Variants in STAB1 observed in about 807,000 individuals in gnomAD.
STAB1 encodes the protein stabilin-1.
Under a neutral mutation model 332.4 loss-of-function variants are expected in STAB1, and 250 were observed. The observed-to-expected ratio is 0.75, with a 90% CI of 0.68 to 0.84. The LOEUF (loss-of-function observed/expected upper bound fraction) is 0.84. Ranked by LOEUF, STAB1 falls within the 40% of genes least tolerant of loss-of-function variation. The probability of loss-of-function intolerance (pLI) is 0.00; values close to 1 mark genes in which losing one functional copy is unlikely to be tolerated. For synonymous variants in STAB1, 1,475 were observed against 1,390.4 expected (o/e 1.06, Z -1.35); for missense variants, 3,249 against 3,489.7 (o/e 0.93, Z 1.74).
rs201122593 is a variant in STAB1 at position 52,502,649 on chromosome 3, G to A, written c.505G>A (p.Gly169Arg). The change falls in exon 6 of 69, where the codon GGA becomes AGA. Residue 169 changes from glycine (G) to arginine (R), a missense_variant. By Grantham distance (125) the Gly-to-Arg change is moderately radical. Transcript: ENST00000321725. Reference protein sequence around the residue: ...DCQSVCSCVHGVCNHGPRGDG... With the variant: ...DCQSVCSCVHRVCNHGPRGDG... The stretch of plus-strand genomic sequence containing the variant: ...CCTCCCAGTGTGCAGCTGTGTGCAC[G>A]GAGTGTGCAACCATGGGCCACGTGG... 93 of 1,613,162 alleles carry A rather than the reference G, an allele frequency of 5.8e-5. No individual in the cohort carries two copies. Among genetic ancestry groups the A allele is most frequent in the Non-Finnish European group, 7.1e-5 (84 of 1,179,520 alleles).
At chr3:52,505,244 A>G (rs1286966306) in intron 13 of STAB1, 75 bp from the exon 14 acceptor site, 2 of 1,607,330 alleles carry the variant, frequency 1.2e-6, no homozygotes, top group Non-Finnish European at 1.7e-6. Flanking sequence ...TCAGGGCTGG[A>G]GCGCAGCTTC....
Position 52,510,139 on chromosome 3 carries a change from C to T in STAB1, c.2535-3C>T, listed in dbSNP as rs114506140. On this transcript the variant is annotated splice_polypyrimidine_tract_variant and splice_region_variant and intron_variant, in intron 23 of 68. Coordinates refer to ENST00000321725, the MANE Select transcript of STAB1 (RefSeq NM_015136.3). ...TGGAGCCCCCTCCTTCACCCACCCCCAGATGTCGCTGTCTTGATGGCTTTG... is the reference window on the plus strand; with the variant it reads ...TGGAGCCCCCTCCTTCACCCACCCCTAGATGTCGCTGTCTTGATGGCTTTG... 8.3e-4 allele frequency: 1,335 copies of T among 1,614,000 alleles called. 17 individuals are homozygous for T. The African/African-American group carries it at 0.015, about 18-fold the overall frequency.
intron 1 of STAB1, among the ~76,000 whole-genome samples, chr3:52,495,853 C>A (rs1315078938): frequency 6.6e-6 from 1 of 152,222 alleles, no homozygotes; most frequent in African/African-American, 2.4e-5. Context: ...TCACCTCCAA[C>A]CCCCGAGGAC....
rs1410764762 is a variant in STAB1, at chr3:52,523,944, T to C, written c.7469T>C (p.Leu2490Pro). 6.2e-7 allele frequency: 1 copy of C among 1,610,828 alleles called. No homozygotes were observed. Among genetic ancestry groups the C allele is most frequent in the Non-Finnish European group, 8.5e-7 (1 of 1,179,940 alleles). ...GCTGTGCTTGCCGCTGGAGCACTGCTTGGCTTGGTGGCCGGAGCTCTCTAC... is the reference window on the plus strand; with the variant it reads ...GCTGTGCTTGCCGCTGGAGCACTGCCTGGCTTGGTGGCCGGAGCTCTCTAC... ...VGAVLAAGAL[L>P]GLVAGALYLR... Residue 2490 changes from leucine (L) to proline (P), a missense_variant, in exon 67 of 69, where the codon CTT becomes CCT. Leu to Pro is a moderately conservative substitution (Grantham distance 98, BLOSUM62 -3). Coordinates refer to ENST00000321725, the MANE Select transcript of STAB1 (RefSeq NM_015136.3).
rs780211721 is a variant in STAB1 at position 52,503,396 on chromosome 3, G to A, written c.747G>A (p.Val249=). 3 of 1,613,590 alleles carry A rather than the reference G, an allele frequency of 1.9e-6. No individual in the cohort carries two copies. The highest frequency in any genetic ancestry group is 1.1e-5 in the South Asian group (1 of 91,084). ...GCTCACTGCTGGCCCAGTGCTCGGT[G>A]AGCCCCAAGGGGCAGGCTCAGTGTC... ...SPCSLLAQCS[V]SPKGQAQCHC... Residue 249 remains valine (V), a synonymous_variant, in exon 8 of 69, where the codon GTG becomes GTA. Coordinates refer to ENST00000321725, the MANE Select transcript of STAB1 (RefSeq NM_015136.3).
At position 52,515,468 on chromosome 3, in the gene STAB1, T is replaced by G; in HGVS notation, c.3910T>G (p.Ser1304Ala). 1 of 1,613,492 alleles carries G rather than the reference T, an allele frequency of 6.2e-7. No individual in the cohort carries two copies. Among genetic ancestry groups the G allele is most frequent in the South Asian group, 1.1e-5 (1 of 91,082 alleles). ...TGTCTACCGATCTGGCTTCTCCTTC[T>G]CCCGGGGCTGCTCTTACACATGTGC... ...SCVYRSGFSF[S>A]RGCSYTCAKK... The change falls in exon 37 of 69, where the codon TCC becomes GCC. Residue 1304 changes from serine (S) to alanine (A), a missense_variant. Coordinates refer to ENST00000321725, the MANE Select transcript of STAB1 (RefSeq NM_015136.3).
At chr3:52,510,894 C>T (rs1162092988) in intron 25 of STAB1, among the ~76,000 whole-genome samples, 1 of 152,222 alleles carries the variant, frequency 6.6e-6, no homozygotes, top group Non-Finnish European at 1.5e-5. Flanking sequence ...CCATGTGGAG[C>T]ATTTCAGGAC....
At chr3:52,506,375 A>G (rs1328213078) in intron 17 of STAB1, 125 bp downstream of exon 17, 6 of 895,264 alleles carry the variant, frequency 6.7e-6, no homozygotes, top group Non-Finnish European at 1.1e-5. Context: ...TGGCGGGCTC[A>G]TGGGGAAGGA....
At chr3:52,504,285 G>C in intron 10 of STAB1, 130 bp downstream of exon 10, 1 of 1,464,574 alleles carries the variant, frequency 6.8e-7, no homozygotes, top group Non-Finnish European at 9.2e-7. Flanking sequence ...GTGGCTGTGG[G>C]GGGTGCATGC....
intron 22 of STAB1, 148 bp from the exon 23 acceptor site, chr3:52,509,722 T>C (rs1235006484): frequency 1.3e-6 from 1 of 780,924 alleles, no homozygotes; most frequent in African/African-American, 1.7e-5. Flanking sequence ...TGCCTGCCCA[T>C]TGAGTCTGAG....
At position 52,523,009 on chromosome 3, in the gene STAB1, C is replaced by A; in HGVS notation, c.6911-16C>A. 2 of 1,584,912 alleles carry A rather than the reference C, an allele frequency of 1.3e-6. No homozygotes were observed. The highest frequency in any genetic ancestry group is 1.7e-6 in the Non-Finnish European group (2 of 1,161,914). On this transcript the variant is annotated splice_polypyrimidine_tract_variant and intron_variant, in intron 62 of 68. Coordinates refer to ENST00000321725, the MANE Select transcript of STAB1 (RefSeq NM_015136.3). ...TCCCACCAATCTGCTGAGCCACTGA[C>A]CTGCTTTTCCTGCAGATGTGGCCTG...
intron 55 of STAB1, 112 bp downstream of exon 55, chr3:52,521,117 T>G: frequency 1.5e-6 from 2 of 1,335,980 alleles, no homozygotes; most frequent in Non-Finnish European, 2.0e-6. Context: ...TGGGGAGCTC[T>G]GGGTGGTGAG....
chr3:52,501,940 G>A, intron 3 of STAB1, 66 bp from the exon 4 acceptor site: 1 of 1,592,676 alleles, frequency 6.3e-7, no homozygotes, highest in Non-Finnish European at 8.6e-7. Context: ...GGGTTGGCCA[G>A]AGCTGCTGGG....
In STAB1 at chr3:52,516,420, C is replaced by T. The variant is rs199539457; in HGVS notation, c.4209C>T (p.Asn1403=). 7.2e-5 allele frequency: 116 copies of T among 1,611,840 alleles called. 1 individual carries two copies. Among genetic ancestry groups the T allele is most frequent in the South Asian group, 6.4e-4 (58 of 90,918 alleles). ...AAGGGGACGGAAGCTGTGTCTGTAA[C>T]GTGGGCTGGCAGGGCCTCCGCTGTG... ...GLQGDGSCVC[N]VGWQGLRCDQ... is the part of the protein sequence containing the mutation. Residue 1403 remains asparagine, a synonymous_variant, in exon 39 of 69, where the codon AAC becomes AAT. Transcript: ENST00000321725.
chr3:52,518,903 C>T, intron 48 of STAB1, 34 bp downstream of exon 48: 1 of 1,419,348 alleles, frequency 7.0e-7, no homozygotes, highest in Non-Finnish European at 9.3e-7. Context: ...CCGCTCCATC[C>T]CGCCCCGCCC....
intron 44 of STAB1, 64 bp from the exon 45 acceptor site, chr3:52,517,817 G>C: frequency 6.2e-7 from 1 of 1,608,388 alleles, no homozygotes; most frequent in East Asian, 2.2e-5. Flanking sequence ...CTCTTTCACA[G>C]GGCTGAGTGG....
chr3:52,503,773 C>A lies in STAB1; in HGVS notation c.893C>A (p.Ala298Asp). 1 of 1,613,080 alleles carries A rather than the reference C, an allele frequency of 6.2e-7. No homozygotes were observed. The highest frequency in any genetic ancestry group is 8.5e-7 in the Non-Finnish European group (1 of 1,180,008). Residue 298 changes from alanine to aspartate, a missense_variant and splice_region_variant, in exon 9 of 69, where the codon GCC becomes GAC. Transcript: ENST00000321725. Reference sequence around the variant, plus strand: ...CCCTCCTGCCCTGTCGGGGGCCAGGCCTTCTGCACCTGCCGGCCAGGCCTG... The same window carrying A: ...CCCTCCTGCCCTGTCGGGGGCCAGGACTTCTGCACCTGCCGGCCAGGCCTG... ...TLCVYQKPGQ[A>D]FCTCRPGLVS...
Position 52,508,290 on chromosome 3 carries a change from AGGTTTTTTC to A in STAB1, c.2169_2177del (p.Phe724_Gly726del), listed in dbSNP as rs754946567. On this transcript the variant is annotated inframe_deletion, in exon 21 of 69. Transcript: ENST00000321725. ...TCTTATAGGAACAAGGCTGCTGCAA[AGGTTTTTTC>A]GGGCCTGACTGCACGCAGTGTCCTG... is the stretch of plus-strand genomic sequence containing the variant. 2.5e-6 allele frequency: 4 copies of A among 1,613,214 alleles called. No individual in the cohort carries two copies. Among genetic ancestry groups the A allele is most frequent in the Admixed American group, 3.3e-5 (2 of 59,990 alleles).
intron 6 of STAB1, 26 bp from the exon 7 acceptor site, chr3:52,502,973 A>G (rs1397000932): frequency 6.6e-7 from 1 of 1,517,268 alleles, no homozygotes; most frequent in African/African-American, 1.4e-5. Context: ...GCTTGGGCTC[A>G]TCAGTGCTCT....
Sources: allele counts gnomAD v4.1 joint callset (sites outside exome capture counted in the v4.1 genomes callset), GRCh38; gene constraint gnomAD v4.1.1; transcripts MANE v1.5; gene names NCBI Gene and HGNC (gene_info 2026-07-23, HGNC 2026-07-21).